The following B3GALT1 variants were observed in gnomAD, a reference collection of about 807,000 sequenced individuals.
B3GALT1 encodes beta-1,3-galactosyltransferase 1, also known as UDP-Gal:betaGlcNAc beta 1,3-galactosyltransferase, polypeptide 1.
Under a neutral mutation model 23.2 loss-of-function variants are expected in B3GALT1, and 10 were observed. That is an observed-to-expected ratio of 0.43 (90% CI 0.27 to 0.73). The LOEUF is 0.73. B3GALT1 is among the 30% of genes least tolerant of loss of function. The pLI is 0.21. For synonymous variants in B3GALT1, 156 were observed against 141.5 expected (o/e 1.10, Z -0.73); for missense variants, 299 against 405.4 (o/e 0.74, Z 2.25).
intron 3 of B3GALT1, among the ~76,000 whole-genome samples, chr2:167,656,729 A>T (rs1475100307): frequency 1.3e-5 from 2 of 152,306 alleles, no homozygotes; most frequent in East Asian, 3.9e-4. Context: ...AAGCAAAGGA[A>T]AACTGATTAT....
chr2:167,820,945 T>A (rs898630951), intron 4 of B3GALT1, among the ~76,000 whole-genome samples: 4 of 152,210 alleles, frequency 2.6e-5, no homozygotes, highest in African/African-American at 9.7e-5. Context: ...TGCTTTTGAT[T>A]TGTTTACACA....
chr2:167,591,661 A>G (rs1316992072), intron 2 of B3GALT1, among the ~76,000 whole-genome samples: 1 of 152,066 alleles, frequency 6.6e-6, no homozygotes, highest in East Asian at 1.9e-4. Context: ...TTTTGTAGAG[A>G]TGAGGTCACA....
At chr2:167,377,397 C>T (rs1372816203) in intron 1 of B3GALT1, among the ~76,000 whole-genome samples, 2 of 152,042 alleles carry the variant, frequency 1.3e-5, no homozygotes, top group Non-Finnish European at 2.9e-5. Flanking sequence ...TGTTTTGTGC[C>T]TCAGTAATCT....
intron 3 of B3GALT1, among the ~76,000 whole-genome samples, chr2:167,692,268 G>A (rs1240720493): frequency 6.6e-6 from 1 of 152,068 alleles, no homozygotes; most frequent in Non-Finnish European, 1.5e-5. Flanking sequence ...TGCTCTGCTT[G>A]CACTTTTCCT....
At chr2:167,293,871 A>T (rs1696300240) in intron 1 of B3GALT1, among the ~76,000 whole-genome samples, 1 of 142,810 alleles carries the variant, frequency 7.0e-6, no homozygotes, top group Non-Finnish European at 1.5e-5. Flanking sequence ...TCGGAGGGGA[A>T]GGGAAGAGAG....
intron 3 of B3GALT1, among the ~76,000 whole-genome samples, chr2:167,750,508 T>C (rs1687718467): frequency 6.6e-6 from 1 of 152,138 alleles, no homozygotes; most frequent in Admixed American, 6.5e-5. Context: ...TTCACATACA[T>C]TAATGTCTTG....
chr2:167,632,423 T>C (rs899980699), intron 2 of B3GALT1, among the ~76,000 whole-genome samples: 5 of 152,092 alleles, frequency 3.3e-5, no homozygotes, highest in Admixed American at 3.3e-4. Flanking sequence ...ATTGCAAAAG[T>C]GTTCCTATTT....
At chr2:167,506,070 C>CA (rs1699913072) in intron 2 of B3GALT1, among the ~76,000 whole-genome samples, 1 of 151,948 alleles carries the variant, frequency 6.6e-6, no homozygotes, top group East Asian at 1.9e-4. Flanking sequence ...AAAAAAAAGA[C>CA]AGAGATACTA....
intron 1 of B3GALT1, among the ~76,000 whole-genome samples, chr2:167,386,066 TCCC>T: frequency 6.6e-6 from 1 of 152,334 alleles, no homozygotes; most frequent in Admixed American, 6.5e-5. Flanking sequence ...ACAGGTTAAT[TCCC>T]TTCAAGGAGA....
intron 1 of B3GALT1, among the ~76,000 whole-genome samples, chr2:167,408,562 A>G (rs1398355877): frequency 3.3e-5 from 5 of 152,194 alleles, no homozygotes; most frequent in African/African-American, 1.2e-4. Flanking sequence ...CAAATTGGAA[A>G]GGAAGTTAAA....
At chr2:167,759,628 G>A (rs760996037) in intron 3 of B3GALT1, among the ~76,000 whole-genome samples, 2 of 152,126 alleles carry the variant, frequency 1.3e-5, no homozygotes, top group African/African-American at 2.4e-5. Context: ...GGAGCAAGCC[G>A]GTAATTGGCA....
At chr2:167,345,302 A>C (rs1287800920) in intron 1 of B3GALT1, among the ~76,000 whole-genome samples, 1 of 152,090 alleles carries the variant, frequency 6.6e-6, no homozygotes, top group Non-Finnish European at 1.5e-5. Flanking sequence ...GTTAATTTTC[A>C]TCTGTGAGTC....
intron 2 of B3GALT1, among the ~76,000 whole-genome samples, chr2:167,548,827 A>G (rs1429450515): frequency 6.6e-6 from 1 of 152,126 alleles, no homozygotes; most frequent in African/African-American, 2.4e-5. Flanking sequence ...AAATTTCAAG[A>G]AGTAAAGCAA....
chr2:167,518,983 G>A (rs1700143468), intron 2 of B3GALT1, among the ~76,000 whole-genome samples: 1 of 152,180 alleles, frequency 6.6e-6, no homozygotes, highest in African/African-American at 2.4e-5. Context: ...GATCCCCAAT[G>A]GAATTCTTAT....
intron 3 of B3GALT1, among the ~76,000 whole-genome samples, chr2:167,802,255 G>T (rs1384103678): frequency 6.6e-6 from 1 of 152,134 alleles, no homozygotes; most frequent in African/African-American, 2.4e-5. Context: ...TTGTCAATTT[G>T]GGGGGCAGCC....
At chr2:167,535,456 T>C (rs545230269) in intron 2 of B3GALT1, among the ~76,000 whole-genome samples, 2 of 152,274 alleles carry the variant, frequency 1.3e-5, no homozygotes, top group African/African-American at 4.8e-5. Context: ...ATACTGAATC[T>C]TAGGGAAAAT....
In B3GALT1 at chr2:167,647,977, C is replaced by T. The variant is rs574028599; in HGVS notation, c.-352+1011C>T. ...ATTCTAAAATGTACAATTATCTACT[C>T]TCCTTTTAGTTTCTCATCTTACAAA... On this transcript the variant is annotated intron_variant, in intron 3 of 4. Coordinates refer to ENST00000392690, the MANE Select transcript of B3GALT1 (RefSeq NM_020981.4). Among the ~76,000 whole-genome samples the T allele has an allele frequency of 1.3e-4, 20 of 152,212 alleles. No individual in the cohort carries two copies. In the South Asian group the frequency reaches 2.7e-3, roughly 20 times the overall value.
intron 3 of B3GALT1, among the ~76,000 whole-genome samples, chr2:167,817,218 C>T (rs538482269): frequency 2.6e-5 from 4 of 152,180 alleles, no homozygotes; most frequent in Non-Finnish European, 5.9e-5. Context: ...TGCTCTCCCT[C>T]AGTCATGTTT....
chr2:167,670,144 C>G (rs1293316085), intron 3 of B3GALT1, among the ~76,000 whole-genome samples: 1 of 152,156 alleles, frequency 6.6e-6, no homozygotes, highest in Non-Finnish European at 1.5e-5. Context: ...CTATGAGCCT[C>G]TGAAGATTGT....
Sources: allele counts gnomAD v4.1 joint callset (sites outside exome capture counted in the v4.1 genomes callset), GRCh38; gene constraint gnomAD v4.1.1; transcripts MANE v1.5; gene names NCBI Gene and HGNC (gene_info 2026-07-23, HGNC 2026-07-21).